Variants in FBN2 observed in about 807,000 individuals in gnomAD.
The protein encoded by FBN2 is fibrillin 2.
Under a neutral mutation model 355.6 loss-of-function variants are expected in FBN2, and 105 were observed. The ratio of observed to expected loss-of-function variants is 0.30; its 90% CI spans 0.25 to 0.35. The LOEUF (loss-of-function observed/expected upper bound fraction) is 0.35, where lower values mean the gene tolerates loss of function less well. FBN2 is among the 10% of genes least tolerant of loss of function. The pLI is 1.00. For missense variants in FBN2, 3,280 were observed against 3,758.7 expected, an observed-to-expected ratio of 0.87 and a Z score of 3.33; for synonymous variants, 1,350 against 1,301.2, an observed-to-expected ratio of 1.04 and a Z score of -0.81.
At chr5:128,485,744 C>A (rs1755320334) in intron 5 of FBN2, among the ~76,000 whole-genome samples, 1 of 152,102 alleles carries the variant, frequency 6.6e-6, no homozygotes, top group Non-Finnish European at 1.5e-5. Flanking sequence ...TGTTTTATCT[C>A]TAAAGCTTTA....
intron 9 of FBN2, 143 bp from the exon 10 acceptor site, chr5:128,393,511 T>C: frequency 1.5e-6 from 1 of 677,768 alleles, no homozygotes; most frequent in Non-Finnish European, 2.6e-6. Flanking sequence ...TACATGTTTT[T>C]AATGCTGGCA....
chr5:128,501,133 C>A (rs1581352213), intron 5 of FBN2, among the ~76,000 whole-genome samples: 1 of 152,184 alleles, frequency 6.6e-6, no homozygotes, highest in South Asian at 2.1e-4. Flanking sequence ...TTTCTGATAG[C>A]AATGGTGCAT....
At chr5:128,536,374 C>T in intron 2 of FBN2, 28 bp downstream of exon 2, 1 of 1,593,166 alleles carries the variant, frequency 6.3e-7, no homozygotes, top group African/African-American at 1.3e-5. Flanking sequence ...TGCGCTGCCC[C>T]AAGCTGCGAT....
intron 2 of FBN2, among the ~76,000 whole-genome samples, chr5:128,535,183 T>G (rs1202524435): frequency 6.6e-6 from 1 of 152,224 alleles, no homozygotes; most frequent in African/African-American, 2.4e-5. Context: ...AATAACACAG[T>G]TGTTTCCTAT....
chr5:128,455,781 G>C (rs1243160311), intron 6 of FBN2, among the ~76,000 whole-genome samples: 10 of 151,416 alleles, frequency 6.6e-5, no homozygotes, highest in African/African-American at 2.4e-4. Flanking sequence ...TTTTTCCAGG[G>C]AACTGTGCAA....
At chr5:128,385,303 T>C (rs1014919662) in intron 11 of FBN2, among the ~76,000 whole-genome samples, 1 of 152,074 alleles carries the variant, frequency 6.6e-6, no homozygotes, top group Non-Finnish European at 1.5e-5. Flanking sequence ...TGAGAACATA[T>C]GGTATTTGGT....
chr5:128,434,116 C>T (rs577165697), intron 7 of FBN2, among the ~76,000 whole-genome samples: 1 of 151,910 alleles, frequency 6.6e-6, no homozygotes, highest in South Asian at 2.1e-4. Context: ...TCTCAGAATC[C>T]TTCATATTAT....
Position 128,305,898 on chromosome 5 carries a change from T to G in FBN2, c.5473A>C (p.Ile1825Leu). Residue 1825 changes from isoleucine (I) to leucine (L), a missense_variant, in exon 43 of 65, where the codon ATT becomes CTT. Ile to Leu is a conservative substitution (Grantham distance 5). Transcript: ENST00000262464. ...IPGICANGVC[I>L]NQIGSFRCEC... ...CAGCGGAAACTGCCAATCTGGTTAA[T>G]GCACACACCATTTGCACAAATGCCT... 4 of 1,613,916 alleles carry G rather than the reference T, an allele frequency of 2.5e-6. No individual in the cohort carries two copies. Among genetic ancestry groups the G allele is most frequent in the Non-Finnish European group, 3.4e-6 (4 of 1,179,792 alleles).
chr5:128,337,766 A>T (rs1309171476), intron 27 of FBN2, among the ~76,000 whole-genome samples: 3 of 152,172 alleles, frequency 2.0e-5, no homozygotes, highest in Non-Finnish European at 4.4e-5. Flanking sequence ...GGGACCAATC[A>T]CGTGGCTTGT....
chr5:128,375,434 A>G (rs1752055035), intron 14 of FBN2, among the ~76,000 whole-genome samples: 1 of 152,188 alleles, frequency 6.6e-6, no homozygotes, highest in Non-Finnish European at 1.5e-5. Flanking sequence ...ACTGAAGCAT[A>G]ATGACAATTT....
chr5:128,274,204 A>C (rs1236052954), intron 60 of FBN2, among the ~76,000 whole-genome samples: 1 of 152,226 alleles, frequency 6.6e-6, no homozygotes, highest in Non-Finnish European at 1.5e-5. Flanking sequence ...CACACTGACT[A>C]AAGTTCCTTA....
intron 47 of FBN2, 151 bp from the exon 48 acceptor site, chr5:128,301,087 T>C: frequency 1.3e-6 from 1 of 759,680 alleles, no homozygotes; most frequent in Non-Finnish European, 2.2e-6. Context: ...GATACTCTTC[T>C]GACATCTTGG....
chr5:128,438,476 T>C (rs974609939), intron 7 of FBN2, among the ~76,000 whole-genome samples: 1 of 152,248 alleles, frequency 6.6e-6, no homozygotes, highest in Non-Finnish European at 1.5e-5. Context: ...CAAACACATT[T>C]CATTTGACAC....
intron 19 of FBN2, among the ~76,000 whole-genome samples, chr5:128,360,076 T>C (rs569689762): frequency 6.6e-6 from 1 of 152,240 alleles, no homozygotes; most frequent in African/African-American, 2.4e-5. Flanking sequence ...CTTTCTAAGT[T>C]TCCTGAGATT....
chr5:128,503,630 G>C (rs989046823), intron 5 of FBN2, among the ~76,000 whole-genome samples: 4 of 152,152 alleles, frequency 2.6e-5, no homozygotes, highest in Non-Finnish European at 5.9e-5. Flanking sequence ...GTGGAACTTC[G>C]AGCTTGAGAG....
intron 6 of FBN2, 64 bp from the exon 7 acceptor site, chr5:128,446,670 T>TA: frequency 1.3e-6 from 2 of 1,557,336 alleles, no homozygotes; most frequent in East Asian, 2.3e-5. Context: ...TACTTTTTTT[T>TA]ACTATAAAAA....
intron 39 of FBN2, among the ~76,000 whole-genome samples, chr5:128,310,710 T>C (rs1002062420): frequency 6.6e-6 from 1 of 152,170 alleles, no homozygotes; most frequent in Non-Finnish European, 1.5e-5. Flanking sequence ...GTTAGAAGCA[T>C]TCACTCATTT....
chr5:128,319,632 A>G (rs1171692748), intron 34 of FBN2, among the ~76,000 whole-genome samples: 1 of 152,038 alleles, frequency 6.6e-6, no homozygotes, highest in Non-Finnish European at 1.5e-5. Flanking sequence ...TTTCTTCCCT[A>G]ATTTCATGTT....
At chr5:128,426,307 C>A (rs1367323273) in intron 7 of FBN2, among the ~76,000 whole-genome samples, 1 of 152,174 alleles carries the variant, frequency 6.6e-6, no homozygotes, top group Non-Finnish European at 1.5e-5. Context: ...CGAAAACCTT[C>A]ATATTTGAAA....
Sources: allele counts gnomAD v4.1 joint callset (sites outside exome capture counted in the v4.1 genomes callset), GRCh38; gene constraint gnomAD v4.1.1; transcripts MANE v1.5; gene names NCBI Gene and HGNC (gene_info 2026-07-23, HGNC 2026-07-21).